The following CPXM2 variants were observed in gnomAD, a reference collection of about 807,000 sequenced individuals.
CPXM2 encodes inactive carboxypeptidase-like protein X2.
A neutral mutation model predicts 86.1 loss-of-function variants in CPXM2; 66 were observed. The ratio of observed to expected loss-of-function variants is 0.77; its 90% CI spans 0.63 to 0.94. The LOEUF (loss-of-function observed/expected upper bound fraction) is 0.94, where lower values mean the gene tolerates loss of function less well. CPXM2 is among the 40% of genes least tolerant of loss of function. CPXM2 has a pLI of 0.00. For missense variants in CPXM2, 948 were observed against 1,026.3 expected (o/e 0.92, Z 1.04); for synonymous variants, 388 against 400.2 (o/e 0.97, Z 0.36).
intron 6 of CPXM2, among the ~76,000 whole-genome samples, chr10:123,795,913 A>G (rs772396036): frequency 3.4e-4 from 52 of 152,266 alleles, no homozygotes; most frequent in Non-Finnish European, 6.8e-4. Flanking sequence ...GCCCTTTGCC[A>G]ACAACAGATG....
chr10:123,855,855 A>G (rs1366192270), intron 3 of CPXM2, among the ~76,000 whole-genome samples: 1 of 152,166 alleles, frequency 6.6e-6, no homozygotes, highest in African/African-American at 2.4e-5. Flanking sequence ...GATTCCTTCC[A>G]GCAGTGCTGG....
intron 2 of CPXM2, among the ~76,000 whole-genome samples, chr10:123,871,442 A>G (rs1944894821): frequency 6.6e-6 from 1 of 152,224 alleles, no homozygotes; most frequent in Admixed American, 6.5e-5. Context: ...TAAGGCTCAA[A>G]AAAAAGGAAT....
upstream of CPXM2, among the ~76,000 whole-genome samples, chr10:123,941,708 C>T (rs1945778764): frequency 6.6e-6 from 1 of 152,172 alleles, no homozygotes; most frequent in Non-Finnish European, 1.5e-5. Context: ...GGACGGCTGC[C>T]CTGTGGACCC....
chr10:123,857,643 GGC>G (rs1564800680), intron 3 of CPXM2, among the ~76,000 whole-genome samples: 1 of 117,136 alleles, frequency 8.5e-6, no homozygotes, highest in African/African-American at 3.8e-5. Flanking sequence ...GATGGAAGGC[GGC>G]GTGGAGATGG....
chr10:123,875,659 C>T (rs889206072), intron 2 of CPXM2, among the ~76,000 whole-genome samples: 1 of 152,112 alleles, frequency 6.6e-6, no homozygotes, highest in Non-Finnish European at 1.5e-5. Context: ...TTGGCCAATC[C>T]CCAAGTATGG....
At position 123,891,076 on chromosome 10, in the gene CPXM2, A is replaced by G. The variant is rs1001049624; in HGVS notation, c.304+280T>C. Among the ~76,000 whole-genome samples the G allele has an allele frequency of 6.6e-6, 1 of 152,238 alleles. No homozygotes were observed. The highest frequency in any genetic ancestry group is 2.4e-5 in the African/African-American group (1 of 41,472). ...AGGGGATTTCAAGCTTGAAACAAGA[A>G]CTTTGACTCTCATAGGCAGCCTCCC... is the stretch of plus-strand genomic sequence containing the variant. On this transcript the variant is annotated intron_variant, in intron 1 of 13. Coordinates refer to ENST00000241305, the MANE Select transcript of CPXM2 (RefSeq NM_198148.3). This position sits in a 1 kb window ranked among gnomAD's most constrained non-coding sequence, Gnocchi z 5.6.
chr10:123,842,602 A>G, intron 3 of CPXM2, 114 bp from the exon 4 acceptor site: 1 of 1,028,916 alleles, frequency 9.7e-7, no homozygotes, highest in African/African-American at 1.6e-5. Flanking sequence ...GAAAATGAGG[A>G]AGGTGTTAAA....
chr10:123,845,752 C>A (rs1030527503), intron 3 of CPXM2, among the ~76,000 whole-genome samples: 7 of 151,944 alleles, frequency 4.6e-5, no homozygotes, highest in Admixed American at 3.3e-4. Context: ...ATATACACAC[C>A]ATGGAATATC....
At chr10:123,909,413 A>T (rs1265986261) in intron 2 of CPXM2, among the ~76,000 whole-genome samples, 2 of 152,200 alleles carry the variant, frequency 1.3e-5, no homozygotes, top group African/African-American at 4.8e-5. Flanking sequence ...TGTGTTGAGT[A>T]ATTAACTAGT....
chr10:123,776,298 G>A (rs953611709), intron 7 of CPXM2, among the ~76,000 whole-genome samples: 3 of 152,160 alleles, frequency 2.0e-5, no homozygotes, highest in Admixed American at 6.5e-5. Context: ...ATCTTAGAAA[G>A]CACCAGGGTT....
chr10:123,917,998 A>T (rs1460410248), intron 2 of CPXM2, among the ~76,000 whole-genome samples: 1 of 152,242 alleles, frequency 6.6e-6, no homozygotes, highest in Non-Finnish European at 1.5e-5. Flanking sequence ...TCAAGACTGT[A>T]GGGCAGGTGT....
chr10:123,746,826 G>A lies in CPXM2; in HGVS notation c.2209C>T (p.Pro737Ser). The change falls in exon 14 of 14, where the codon CCC (proline) becomes TCC (serine). Residue 737 changes from proline to serine, a missense_variant. Transcript: ENST00000241305. The part of the protein sequence containing the change: ...REIMEKFGKQ[P>S]VSLPARRLKL... Reference sequence around the variant, plus strand: ...AGCCGCCTGGCTGGCAGGCTGACGGGCTGCTTCCCAAACTTCTCCATGATC... The same window carrying A: ...AGCCGCCTGGCTGGCAGGCTGACGGACTGCTTCCCAAACTTCTCCATGATC... 2 of 1,614,188 alleles carry A rather than the reference G, an allele frequency of 1.2e-6. No homozygotes were observed. The highest frequency in any genetic ancestry group is 8.5e-7 in the Non-Finnish European group (1 of 1,180,028).
intron 1 of CPXM2, among the ~76,000 whole-genome samples, chr10:123,883,902 G>T (rs1014236912): frequency 3.3e-5 from 5 of 152,122 alleles, no homozygotes; most frequent in Admixed American, 3.3e-4. Context: ...TGCAGAGAAG[G>T]GGCCAGGATC....
At chr10:123,855,724 T>C (rs988799828) in intron 3 of CPXM2, among the ~76,000 whole-genome samples, 1 of 152,188 alleles carries the variant, frequency 6.6e-6, no homozygotes, top group Non-Finnish European at 1.5e-5. Flanking sequence ...AGCAGCCGCC[T>C]CCAAATATCC....
chr10:123,887,961 G>A (rs1945206629), intron 1 of CPXM2, among the ~76,000 whole-genome samples: 1 of 152,172 alleles, frequency 6.6e-6, no homozygotes, highest in Non-Finnish European at 1.5e-5. Flanking sequence ...CTGGAAACCT[G>A]TTAGCCACTC....
At position 123,858,231 on chromosome 10, in the gene CPXM2, C is replaced by T. The variant is rs148740778; in HGVS notation, c.513+4383G>A. Among the ~76,000 whole-genome samples, 302 of 152,348 alleles carry T rather than the reference C, an allele frequency of 2.0e-3. 1 individual carries two copies. The highest frequency in any genetic ancestry group is 7.1e-3 in the African/African-American group (294 of 41,576). ...TGCCCGGCCGCCTCCTAGGCTTCTC[C>T]TGCTTAAGCTCCCTTAAGCACTGCA... On this transcript the variant is annotated intron_variant, in intron 3 of 13. Transcript: ENST00000241305.
chr10:123,906,555 A>C (rs374487016), intron 2 of CPXM2, among the ~76,000 whole-genome samples: 1 of 152,204 alleles, frequency 6.6e-6, no homozygotes, highest in Admixed American at 6.5e-5. Context: ...ATTGGAATAA[A>C]ATTTAAATTA....
At chr10:123,912,913 T>G (rs1036785601) in intron 2 of CPXM2, among the ~76,000 whole-genome samples, 3 of 152,234 alleles carry the variant, frequency 2.0e-5, no homozygotes, top group Non-Finnish European at 4.4e-5. Context: ...TGCCAGACCT[T>G]GTGGATTTAC....
At chr10:123,750,350 C>T (rs1205966059) in intron 13 of CPXM2, 15 of 972,250 alleles carry the variant, frequency 1.5e-5, no homozygotes, top group Non-Finnish European at 1.7e-5. Flanking sequence ...CACTCCACTG[C>T]TCCCAGCCGG....
Sources: gnomAD v4.1 joint callset for allele counts (sites outside exome capture counted in the v4.1 genomes callset) on GRCh38, gnomAD v4.1.1 for gene constraint, Gnocchi (gnomAD v3.1) non-coding constraint, MANE v1.5 for transcripts, NCBI Gene and HGNC (gene_info 2026-07-23, HGNC 2026-07-21) for gene names.